PRKD1: variants seen among roughly 807,000 people sequenced by gnomAD.
PRKD1 encodes serine/threonine-protein kinase D1.
PRKD1 carries 63 observed loss-of-function variants against 95.9 expected under a neutral mutation model. That is an observed-to-expected ratio of 0.66 (90% CI 0.54 to 0.81). The LOEUF (loss-of-function observed/expected upper bound fraction) is 0.81. Among genes scored for constraint, PRKD1 ranks in the 30% least tolerant of loss-of-function variants. PRKD1 has a pLI of 0.00. For synonymous variants in PRKD1, 425 were observed against 423.1 expected, an observed-to-expected ratio of 1.00 and a Z score of -0.05; for missense variants, 1,048 against 1,165.3, an observed-to-expected ratio of 0.90 and a Z score of 1.47.
chr14:29,917,578 A>T (rs1594626253), intron 1 of PRKD1, among the ~76,000 whole-genome samples: 1 of 152,204 alleles, frequency 6.6e-6, no homozygotes, highest in African/African-American at 2.4e-5. Flanking sequence ...TGTTTGTGAC[A>T]TATCAAGTTA....
chr14:29,729,068 T>C (rs550311669), intron 1 of PRKD1, among the ~76,000 whole-genome samples: 11 of 152,304 alleles, frequency 7.2e-5, no homozygotes, highest in South Asian at 6.2e-4. Context: ...TTATAGACCA[T>C]GCTTTTGCTA....
intron 4 of PRKD1, among the ~76,000 whole-genome samples, chr14:29,649,708 A>G (rs1283580830): frequency 6.6e-6 from 1 of 152,048 alleles, no homozygotes; most frequent in Non-Finnish European, 1.5e-5. Flanking sequence ...GGGTTATTTT[A>G]ATTCATACAG....
Position 29,577,408 on chromosome 14 carries a change from C to T in PRKD1, c.2569G>A (p.Glu857Lys). 1.2e-6 allele frequency: 2 copies of T among 1,613,762 alleles called. No homozygotes were observed. The highest frequency in any genetic ancestry group is 1.7e-4 in the Middle Eastern group (1 of 6,058). The change falls in exon 18 of 18, where the codon GAG becomes AAG. Residue 857 changes from glutamate to lysine, a missense_variant. Glu to Lys is a moderately conservative substitution (Grantham distance 56). Around this residue, in one of 3 missense-constraint regions of PRKD1, gnomAD observed 739 missense variants for 861.9 expected, o/e 0.86. Coordinates refer to ENST00000331968, the MANE Select transcript of PRKD1 (RefSeq NM_002742.3). The stretch of plus-strand genomic sequence containing the variant: ...TCACTTTCATGGGTGATGTAGCGCT[C>T]CCCGATTTTGCATTCCAGCTCTCGC... ...DLRELECKIG[E>K]RYITHESDDL...
chr14:29,601,199 T>C (rs1893504049), intron 13 of PRKD1, among the ~76,000 whole-genome samples: 1 of 152,188 alleles, frequency 6.6e-6, no homozygotes, highest in South Asian at 2.1e-4. Context: ...TGAGTCTACA[T>C]TGTTGTAGTT....
intron 16 of PRKD1, among the ~76,000 whole-genome samples, chr14:29,584,404 T>C (rs1182872661): frequency 6.6e-6 from 1 of 152,124 alleles, no homozygotes; most frequent in Non-Finnish European, 1.5e-5. Flanking sequence ...TCTTAATAGG[T>C]TCCCCAGGTC....
chr14:29,598,929 T>C (rs370485901), intron 15 of PRKD1, 98 bp downstream of exon 15: 1 of 1,021,796 alleles, frequency 9.8e-7, no homozygotes, highest in South Asian at 1.4e-5. Context: ...TTGAAACAAA[T>C]AAAGGTTTTA....
chr14:29,822,600 T>A (rs1326480578), intron 1 of PRKD1, among the ~76,000 whole-genome samples: 2 of 152,156 alleles, frequency 1.3e-5, no homozygotes, highest in African/African-American at 4.8e-5. Flanking sequence ...CTTAGCTTCC[T>A]AAGGAAGAAA....
intron 1 of PRKD1, among the ~76,000 whole-genome samples, chr14:29,860,558 G>A (rs183032066): frequency 3.3e-5 from 5 of 152,190 alleles, no homozygotes; most frequent in African/African-American, 1.2e-4. Context: ...TATCACCTGG[G>A]GAAGTTGTTG....
Position 29,577,186 on chromosome 14 carries a change from C to T in PRKD1, c.*52G>A, listed in dbSNP as rs774063907. ...CTGCAAGGCAAATGTTAAACCTGAC[C>T]GTATGTATTTATTAGTTCCACAGTG... On this transcript the variant is annotated 3_prime_UTR_variant, in exon 18 of 18. Transcript: ENST00000331968. 2.1e-5 allele frequency: 32 copies of T among 1,541,162 alleles called. No homozygotes were observed. In the South Asian group the frequency reaches 2.4e-4, roughly 11 times the overall value.
chr14:29,922,710 A>G (rs535558102), intron 1 of PRKD1, among the ~76,000 whole-genome samples: 1 of 151,740 alleles, frequency 6.6e-6, no homozygotes, highest in African/African-American at 2.4e-5. Flanking sequence ...ACAGTGAGAC[A>G]TTGTCTGTAT....
intron 1 of PRKD1, among the ~76,000 whole-genome samples, chr14:29,916,344 G>A (rs1158099406): frequency 6.6e-6 from 1 of 152,060 alleles, no homozygotes; most frequent in East Asian, 1.9e-4. Context: ...CATTTCTTCT[G>A]GCTCTAGCCA....
At chr14:29,792,931 G>T (rs1043708591) in intron 1 of PRKD1, among the ~76,000 whole-genome samples, 1 of 151,976 alleles carries the variant, frequency 6.6e-6, no homozygotes, top group Non-Finnish European at 1.5e-5. Context: ...CTGGATCAAA[G>T]GGATGTGATC....
intron 13 of PRKD1, among the ~76,000 whole-genome samples, chr14:29,607,162 C>T (rs1878041390): frequency 6.6e-6 from 1 of 152,098 alleles, no homozygotes; most frequent in African/African-American, 2.4e-5. Flanking sequence ...CCCAATGTCC[C>T]CCTTTAGTTT....
intron 1 of PRKD1, among the ~76,000 whole-genome samples, chr14:29,912,625 C>A (rs76033509): frequency 0.024 from 3,606 of 152,278 alleles, 152 homozygotes; most frequent in African/African-American, 0.083. Context: ...TTGGGACAAC[C>A]CAACTTCCAA....
rs565298202 is a variant in PRKD1, at chr14:29,668,304, A to G, written c.404-2096T>C. On this transcript the variant is annotated intron_variant, in intron 2 of 17. Coordinates refer to ENST00000331968, the MANE Select transcript of PRKD1 (RefSeq NM_002742.3). ...CATTTAAGTTTAGGAATCAAAATGGACAGATAAGAATAGGAATATTAAAGT... is the reference window on the plus strand; with the variant it reads ...CATTTAAGTTTAGGAATCAAAATGGGCAGATAAGAATAGGAATATTAAAGT... Among the ~76,000 whole-genome samples, 852 of 152,328 alleles carry G rather than the reference A, an allele frequency of 5.6e-3. 3 individuals are homozygous for G. Among genetic ancestry groups the G allele is most frequent in the Non-Finnish European group, 7.0e-3 (475 of 68,016 alleles).
At chr14:29,627,624 C>G (rs1478329379) in intron 11 of PRKD1, among the ~76,000 whole-genome samples, 1 of 152,058 alleles carries the variant, frequency 6.6e-6, no homozygotes, top group African/African-American at 2.4e-5. Context: ...CTATCTTCTA[C>G]CCTTATACTC....
Position 29,771,364 on chromosome 14 carries a change from T to A in PRKD1, c.265-45690A>T, listed in dbSNP as rs1888500790. ...TGTCAAACAAGGGCTCTTGGGCACA[T>A]GTATGACTCTGGCAGTTGCCGCCTA... On this transcript the variant is annotated intron_variant, in intron 1 of 17. Coordinates refer to ENST00000331968, the MANE Select transcript of PRKD1 (RefSeq NM_002742.3). Among the ~76,000 whole-genome samples, 3 of 152,096 alleles carry A rather than the reference T, an allele frequency of 2.0e-5. No homozygotes were observed. In the South Asian group the frequency reaches 6.2e-4, roughly 32 times the overall value.
chr14:29,864,648 T>A (rs992172847), intron 1 of PRKD1, among the ~76,000 whole-genome samples: 6 of 152,106 alleles, frequency 3.9e-5, no homozygotes, highest in Non-Finnish European at 7.4e-5. Flanking sequence ...AATGTGAGTA[T>A]GAGTGAGAGT....
At chr14:29,780,292 T>G (rs2139165919) in intron 1 of PRKD1, among the ~76,000 whole-genome samples, 1 of 152,160 alleles carries the variant, frequency 6.6e-6, no homozygotes, top group Non-Finnish European at 1.5e-5. Context: ...ACAAATGGGA[T>G]CTAATTAAAC....
Sources: allele counts gnomAD v4.1 joint callset (sites outside exome capture counted in the v4.1 genomes callset), GRCh38; gene constraint gnomAD v4.1.1; regional missense constraint gnomAD v4.1.1; transcripts MANE v1.5; gene names NCBI Gene and HGNC (gene_info 2026-07-23, HGNC 2026-07-21).